CLIP4: variants seen among roughly 807,000 people sequenced by gnomAD.
The protein encoded by CLIP4 is CAP-Gly domain-containing linker protein 4.
In CLIP4, 47 loss-of-function variants were observed where a neutral mutation model predicts 73.1. That is an observed-to-expected ratio of 0.64 (90% CI 0.51 to 0.82). The LOEUF (loss-of-function observed/expected upper bound fraction) is 0.82, where lower values mean the gene tolerates loss of function less well. Among genes scored for constraint, CLIP4 ranks in the 40% least tolerant of loss-of-function variants. The pLI, the probability that CLIP4 is intolerant of heterozygous loss-of-function variation, is 0.00. For synonymous variants in CLIP4, 306 were observed against 295.4 expected (o/e 1.04, Z -0.37); for missense variants, 874 against 852.9 (o/e 1.02, Z -0.31).
At chr2:29,102,488 A>G (rs1668077802) in intron 1 of CLIP4, among the ~76,000 whole-genome samples, 1 of 152,122 alleles carries the variant, frequency 6.6e-6, no homozygotes, top group African/African-American at 2.4e-5. Flanking sequence ...CTGCAAGAGC[A>G]CAAGGGCAGC....
rs766948225 is a variant in CLIP4, at chr2:29,133,703, G to A, written c.416G>A (p.Gly139Glu). The A allele has an allele frequency of 4.8e-5, 78 of 1,613,322 alleles. No individual in the cohort carries two copies. The highest frequency in any genetic ancestry group is 1.6e-4 in the Middle Eastern group (1 of 6,078). The change falls in exon 5 of 16, where the codon GGA becomes GAA. Residue 139 changes from glycine to glutamate, a missense_variant. Physicochemically the swap from Gly to Glu is moderately conservative, Grantham distance 98. Coordinates refer to ENST00000320081, the MANE Select transcript of CLIP4 (RefSeq NM_024692.6). ...VKFATQLIDL[G>E]ADISLRSRWT... ...TTTGCAACTCAGCTTATTGACCTGGGAGCAGACATTAGTTTGCGGAGTCGC... is the reference window on the plus strand; with the variant it reads ...TTTGCAACTCAGCTTATTGACCTGGAAGCAGACATTAGTTTGCGGAGTCGC...
intron 13 of CLIP4, among the ~76,000 whole-genome samples, chr2:29,164,617 C>T (rs187023243): frequency 3.4e-4 from 51 of 152,160 alleles, no homozygotes; most frequent in Admixed American, 1.5e-3. Context: ...TGCCTTTTAG[C>T]GGATGGGAAA....
chr2:29,123,968 A>T (rs79247443), intron 2 of CLIP4, among the ~76,000 whole-genome samples: 2,328 of 152,336 alleles, frequency 0.015, 47 homozygotes, highest in East Asian at 0.048. Flanking sequence ...AATACACATT[A>T]TATACATTAT....
intron 14 of CLIP4, among the ~76,000 whole-genome samples, chr2:29,172,445 G>C (rs932282216): frequency 1.3e-5 from 2 of 152,110 alleles, no homozygotes; most frequent in African/African-American, 4.8e-5. Flanking sequence ...CATATTGACA[G>C]TATCGTTGTG....
intron 11 of CLIP4, among the ~76,000 whole-genome samples, chr2:29,158,660 G>A (rs567658036): frequency 5.9e-5 from 9 of 152,248 alleles, no homozygotes; most frequent in Middle Eastern, 3.4e-3. Context: ...TGCAGAGAAC[G>A]AACAATAATG....
At chr2:29,145,442 TA>T in intron 8 of CLIP4, 75 bp downstream of exon 8, 1 of 1,280,958 alleles carries the variant, frequency 7.8e-7, no homozygotes, top group Non-Finnish European at 1.1e-6. Context: ...AGTTGTTAAA[TA>T]AAACTTTTCT....
At chr2:29,162,793 T>A (rs1667373201) in intron 12 of CLIP4, among the ~76,000 whole-genome samples, 2 of 152,176 alleles carry the variant, frequency 1.3e-5, no homozygotes, top group Admixed American at 1.3e-4. Context: ...TAGTAGGAAA[T>A]GGACTCAGGT....
chr2:29,116,062 C>T (rs1663795817), intron 1 of CLIP4, among the ~76,000 whole-genome samples: 1 of 152,208 alleles, frequency 6.6e-6, no homozygotes, highest in Non-Finnish European at 1.5e-5. Context: ...CCATTTCTCA[C>T]TTGACTCCCC....
At chr2:29,149,378 T>C (rs376534197) in intron 8 of CLIP4, among the ~76,000 whole-genome samples, 5 of 151,858 alleles carry the variant, frequency 3.3e-5, no homozygotes, top group African/African-American at 4.8e-5. Context: ...CTTTCCTCCT[T>C]CTTGGAAGCG....
intron 1 of CLIP4, among the ~76,000 whole-genome samples, chr2:29,119,480 A>G (rs1199437688): frequency 6.6e-6 from 1 of 152,198 alleles, no homozygotes; most frequent in African/African-American, 2.4e-5. Flanking sequence ...TATCCACTGA[A>G]TCTTTTTGCT....
chr2:29,140,274 C>G (rs1382481119), intron 6 of CLIP4, among the ~76,000 whole-genome samples: 1 of 152,120 alleles, frequency 6.6e-6, no homozygotes, highest in Non-Finnish European at 1.5e-5. Flanking sequence ...GTTCCCCTTC[C>G]TGTGTCCATG....
At chr2:29,151,433 G>A (rs1397156939) in intron 8 of CLIP4, among the ~76,000 whole-genome samples, 1 of 152,104 alleles carries the variant, frequency 6.6e-6, no homozygotes, top group Non-Finnish European at 1.5e-5. Flanking sequence ...GAGAGTGTGT[G>A]TGTGTGTTAG....
intron 8 of CLIP4, among the ~76,000 whole-genome samples, chr2:29,151,045 C>A (rs1369403159): frequency 6.6e-6 from 1 of 152,000 alleles, no homozygotes; most frequent in Non-Finnish European, 1.5e-5. Context: ...TATGTTTTCT[C>A]CTACTTATGA....
chr2:29,171,976 C>T (rs1193409814), intron 14 of CLIP4, among the ~76,000 whole-genome samples: 4 of 138,016 alleles, frequency 2.9e-5, no homozygotes, highest in African/African-American at 5.3e-5. Context: ...ATTTTTATTT[C>T]TTGACTTTAT....
rs1668688335 is a variant in CLIP4 at position 29,182,397 on chromosome 2, T to C, written c.*504T>C. The C allele has an allele frequency of 2.0e-5, 3 of 152,706 alleles. No homozygotes were observed. The highest frequency in any genetic ancestry group is 6.5e-5 in the Admixed American group (1 of 15,290). 9.5% of individuals were successfully genotyped at this position (152,706 alleles called of 1,614,324 possible). On this transcript the variant is annotated 3_prime_UTR_variant, in exon 16 of 16. Transcript: ENST00000320081. ...ATGACTAGTATGTAGTTTTATATTTTGGTAAAATTATTTGCCCTTTCAGAA... is the reference window on the plus strand; with the variant it reads ...ATGACTAGTATGTAGTTTTATATTTCGGTAAAATTATTTGCCCTTTCAGAA...
intron 15 of CLIP4, among the ~76,000 whole-genome samples, chr2:29,179,302 A>G (rs183190002): frequency 6.6e-6 from 1 of 152,322 alleles, no homozygotes; most frequent in Non-Finnish European, 1.5e-5. Flanking sequence ...TATGTTTTCT[A>G]TGTCATTTAA....
At chr2:29,141,909 G>C (rs1020892266) in intron 6 of CLIP4, among the ~76,000 whole-genome samples, 3 of 152,118 alleles carry the variant, frequency 2.0e-5, no homozygotes, top group East Asian at 3.8e-4. Flanking sequence ...GGAGTCTATA[G>C]ACTATGTGCT....
intron 8 of CLIP4, among the ~76,000 whole-genome samples, chr2:29,149,410 C>CTTTTTTT (rs71403647): frequency 2.2e-5 from 3 of 138,316 alleles, no homozygotes; most frequent in African/African-American, 5.3e-5. Context: ...TTCTCCTTTT[C>CTTTTTTT]TTTTTTTTTT....
intron 1 of CLIP4, among the ~76,000 whole-genome samples, chr2:29,102,543 A>G (rs35432837): frequency 0.14 from 21,165 of 152,102 alleles, 1,967 homozygotes; most frequent in Middle Eastern, 0.25. Context: ...ACTGCGTTCA[A>G]AACATCAGAG....
Sources: gnomAD v4.1 joint callset for allele counts (sites outside exome capture counted in the v4.1 genomes callset) on GRCh38, gnomAD v4.1.1 for gene constraint, MANE v1.5 for transcripts, NCBI Gene and HGNC (gene_info 2026-07-23, HGNC 2026-07-21) for gene names.